Variants in CPPED1 observed in about 807,000 individuals in gnomAD.
CPPED1 encodes serine/threonine-protein phosphatase CPPED1.
Under a neutral mutation model 28.0 loss-of-function variants are expected in CPPED1, and 28 were observed. The observed-to-expected ratio is 1.00, with a 90% CI of 0.74 to 1.37. CPPED1 has a LOEUF of 1.37. CPPED1 is among the 40% of genes most tolerant of loss of function. The pLI, the probability that CPPED1 is intolerant of heterozygous loss-of-function variation, is 0.00. For missense variants in CPPED1, 504 were observed against 416.5 expected (o/e 1.21, Z -1.83); for synonymous variants, 198 against 180.2 (o/e 1.10, Z -0.79).
rs144515822 is a variant in CPPED1, at chr16:12,670,577, T to C, written c.716-5462A>G. Among the ~76,000 whole-genome samples the C allele has an allele frequency of 6.6e-6, 1 of 152,080 alleles. No individual in the cohort carries two copies. Among genetic ancestry groups the C allele is most frequent in the African/African-American group, 2.4e-5 (1 of 41,468 alleles). ...ACACCAAAAGCGATAAGTCACATGA[T>C]TAGTATGTGCTCTTGATATGAATGT... On this transcript the variant is annotated intron_variant, in intron 3 of 3. Coordinates refer to ENST00000381774, the MANE Select transcript of CPPED1 (RefSeq NM_018340.3). The surrounding 1 kb of genome is among the most constrained non-coding windows in gnomAD (Gnocchi z 4.2).
chr16:12,708,132 G>A (rs919631160), intron 2 of CPPED1, among the ~76,000 whole-genome samples: 6 of 152,136 alleles, frequency 3.9e-5, no homozygotes, highest in African/African-American at 1.4e-4. Flanking sequence ...GGGCAACAGA[G>A]TGAGATTCTG....
chr16:12,696,992 T>A (rs1415870460), intron 3 of CPPED1, among the ~76,000 whole-genome samples: 1 of 152,162 alleles, frequency 6.6e-6, no homozygotes, highest in Non-Finnish European at 1.5e-5. Context: ...TGCACAGTAC[T>A]CATACTACTA....
intron 1 of CPPED1, among the ~76,000 whole-genome samples, chr16:12,803,109 T>C (rs1298369075): frequency 6.6e-6 from 1 of 152,176 alleles, no homozygotes; most frequent in East Asian, 1.9e-4. Flanking sequence ...GCAGGTATTA[T>C]CAAACCCATT....
At chr16:12,666,010 G>A (rs1044881382) in intron 3 of CPPED1, among the ~76,000 whole-genome samples, 2 of 152,148 alleles carry the variant, frequency 1.3e-5, no homozygotes, top group African/African-American at 4.8e-5. Flanking sequence ...CCAGCTACTC[G>A]GGAGGCTGAG....
At chr16:12,766,379 G>A (rs1423127747) in intron 2 of CPPED1, among the ~76,000 whole-genome samples, 2 of 151,894 alleles carry the variant, frequency 1.3e-5, no homozygotes, top group Non-Finnish European at 2.9e-5. Flanking sequence ...AGGAAAAGGG[G>A]TTTAATTGGA....
chr16:12,733,354 A>C (rs952012764), intron 2 of CPPED1, among the ~76,000 whole-genome samples: 13 of 149,836 alleles, frequency 8.7e-5, no homozygotes, highest in African/African-American at 3.0e-4. Flanking sequence ...GGCTCACTGC[A>C]ACCTCTGCCT....
At position 12,664,692 on chromosome 16, in the gene CPPED1, T is replaced by C; in HGVS notation, c.*194A>G. The C allele has an allele frequency of 2.8e-6, 4 of 1,428,732 alleles. No homozygotes were observed. Among genetic ancestry groups the C allele is most frequent in the Non-Finnish European group, 3.6e-6 (4 of 1,102,484 alleles). The allele number at this position is 1,428,732 out of a possible 1,614,324, so 88.5% of individuals were successfully genotyped here. A position where few individuals can be genotyped will look rare whatever the true frequency, so the allele number is the denominator to read the frequency against. On this transcript the variant is annotated 3_prime_UTR_variant, in exon 4 of 4. Transcript: ENST00000381774. The surrounding 1 kb of genome is among the most constrained non-coding windows in gnomAD (Gnocchi z 4.2). The stretch of plus-strand genomic sequence containing the variant: ...GATTTCCAGGATCATTCGCTCCATT[T>C]TAAAGGAAATGCAGTTCTATTTTGA...
intron 2 of CPPED1, among the ~76,000 whole-genome samples, chr16:12,777,607 A>AATGGACTT (rs1454669910): frequency 6.6e-6 from 1 of 152,228 alleles, no homozygotes; most frequent in Admixed American, 6.5e-5. Context: ...TTCAAAACTA[A>AATGGACTT]ATGGACTTTG....
chr16:12,748,761 T>C (rs985545687), intron 2 of CPPED1, among the ~76,000 whole-genome samples: 5 of 151,832 alleles, frequency 3.3e-5, no homozygotes, highest in Non-Finnish European at 7.4e-5. Context: ...TGCACGCCTA[T>C]AATCCCAGCT....
At chr16:12,772,539 T>A (rs2080475880) in intron 2 of CPPED1, among the ~76,000 whole-genome samples, 1 of 152,234 alleles carries the variant, frequency 6.6e-6, no homozygotes. Flanking sequence ...CCTCCATTTG[T>A]TGGAATCATT....
At chr16:12,693,629 G>A (rs2079974963) in intron 3 of CPPED1, among the ~76,000 whole-genome samples, 2 of 152,194 alleles carry the variant, frequency 1.3e-5, no homozygotes, top group Non-Finnish European at 2.9e-5. Context: ...TACTTACACT[G>A]TGGGAAATAG....
intron 2 of CPPED1, among the ~76,000 whole-genome samples, chr16:12,776,646 C>G (rs34510640): frequency 6.6e-6 from 1 of 152,026 alleles, no homozygotes; most frequent in East Asian, 1.9e-4. Flanking sequence ...TTCAGCTGGG[C>G]GTGGTGGCTC....
rs563641067 is a variant in CPPED1 at position 12,792,885 on chromosome 16, C to T, written c.70+10822G>A. Among the ~76,000 whole-genome samples the T allele has an allele frequency of 4.6e-5, 7 of 152,204 alleles. No homozygotes were observed. In the South Asian group the frequency reaches 1.5e-3, roughly 32 times the overall value. On this transcript the variant is annotated intron_variant, in intron 1 of 3. Coordinates refer to ENST00000381774, the MANE Select transcript of CPPED1 (RefSeq NM_018340.3). ...TAAACCTCTTTCCTTTATAAATTAC[C>T]CAGTCTTGGGTCTGTCTTTATTAGC...
intron 2 of CPPED1, among the ~76,000 whole-genome samples, chr16:12,730,132 G>A (rs2080189831): frequency 6.6e-6 from 1 of 152,118 alleles, no homozygotes; most frequent in African/African-American, 2.4e-5. Context: ...GAGTTGCTGG[G>A]ATTACACGTG....
chr16:12,698,948 A>G (rs2080006273), intron 3 of CPPED1, among the ~76,000 whole-genome samples: 1 of 152,230 alleles, frequency 6.6e-6, no homozygotes, highest in African/African-American at 2.4e-5. Context: ...GAGAATGGAA[A>G]AAAAGAAAAG....
chr16:12,705,038 G>A lies in CPPED1; in HGVS notation c.301C>T (p.Arg101Trp), dbSNP rs753327791. Residue 101 changes from arginine to tryptophan, a missense_variant, in exon 3 of 4, where the codon CGG (arginine) becomes TGG (tryptophan). Transcript: ENST00000381774. ...LIHAMPGKPW[R>W]TEQTEDLKRV... The stretch of plus-strand genomic sequence containing the variant: ...TTCAGGTCCTCCGTCTGCTCCGTCC[G>A]CCACGGCTTCCCTGGAAGAGTGAGG... 3.4e-5 allele frequency: 55 copies of A among 1,607,040 alleles called. No homozygotes were observed. Among genetic ancestry groups the A allele is most frequent in the Non-Finnish European group, 3.8e-5 (45 of 1,174,938 alleles).
At chr16:12,798,633 C>T (rs897767379) in intron 1 of CPPED1, among the ~76,000 whole-genome samples, 2 of 152,118 alleles carry the variant, frequency 1.3e-5, no homozygotes, top group Admixed American at 6.5e-5. Flanking sequence ...TTAAGAATAC[C>T]ACCCATTAGT....
intron 3 of CPPED1, among the ~76,000 whole-genome samples, chr16:12,698,251 G>T (rs2080002377): frequency 6.6e-6 from 1 of 152,278 alleles, no homozygotes; most frequent in South Asian, 2.1e-4. Context: ...CTATATGACA[G>T]TCTCAGCTAG....
At chr16:12,775,598 A>G (rs904742893) in intron 2 of CPPED1, among the ~76,000 whole-genome samples, 13 of 152,210 alleles carry the variant, frequency 8.5e-5, no homozygotes, top group African/African-American at 3.1e-4. Flanking sequence ...CATACAGTTC[A>G]TCTGGGAATC....
Sources: allele counts gnomAD v4.1 joint callset (sites outside exome capture counted in the v4.1 genomes callset), GRCh38; gene constraint gnomAD v4.1.1; non-coding constraint Gnocchi (gnomAD v3.1); transcripts MANE v1.5; gene names NCBI Gene and HGNC (gene_info 2026-07-23, HGNC 2026-07-21).